Variants in STAC observed in about 807,000 individuals in gnomAD.
STAC encodes SH3 and cysteine rich domain, also known as SH3 and cysteine-rich domain-containing protein.
A neutral mutation model predicts 48.8 loss-of-function variants in STAC; 43 were observed. The observed-to-expected ratio is 0.88, with a 90% CI of 0.69 to 1.14. STAC has a LOEUF of 1.14. STAC is among the 50% of genes most tolerant of loss of function. STAC has a pLI of 0.00. For missense variants in STAC, 497 were observed against 504.0 expected (o/e 0.99, Z 0.13); for synonymous variants, 193 against 179.5 (o/e 1.07, Z -0.60).
At chr3:36,392,513 T>C (rs1016468338) in intron 1 of STAC, among the ~76,000 whole-genome samples, 1 of 152,018 alleles carries the variant, frequency 6.6e-6, no homozygotes, top group Non-Finnish European at 1.5e-5. Context: ...CTAATTTTTA[T>C]TTATTTATTT....
intron 2 of STAC, among the ~76,000 whole-genome samples, chr3:36,449,466 A>G (rs967615988): frequency 1.7e-4 from 26 of 152,234 alleles, no homozygotes; most frequent in African/African-American, 6.0e-4. Context: ...TAAGACTTCA[A>G]TATAAGGTCC....
chr3:36,510,663 T>C (rs1698515393), intron 8 of STAC, among the ~76,000 whole-genome samples: 1 of 152,132 alleles, frequency 6.6e-6, no homozygotes, highest in Non-Finnish European at 1.5e-5. Flanking sequence ...TGCAGGGACA[T>C]GGATGAAACT....
intron 10 of STAC, among the ~76,000 whole-genome samples, chr3:36,533,475 G>GTTTTTTTTTT (rs58981589): frequency 3.3e-5 from 2 of 61,396 alleles, no homozygotes; most frequent in African/African-American, 1.3e-4. Context: ...TTGCTAGCAT[G>GTTTTTTTTTT]TTTTTTTTTT....
At chr3:36,473,883 CATCAATATCATTTTAAAAAACA>C (rs1697414858) in intron 2 of STAC, among the ~76,000 whole-genome samples, 1 of 152,130 alleles carries the variant, frequency 6.6e-6, no homozygotes, top group African/African-American at 2.4e-5. Flanking sequence ...TAAGGACTTT[CATCAATATCATTTTAAAAAACA>C]AAAATAAGCC....
chr3:36,396,571 G>C (rs1434172098), intron 1 of STAC, among the ~76,000 whole-genome samples: 1 of 152,100 alleles, frequency 6.6e-6, no homozygotes, highest in African/African-American at 2.4e-5. Context: ...TCATCCGGGA[G>C]AATCAAGCCA....
intron 8 of STAC, among the ~76,000 whole-genome samples, chr3:36,521,393 A>G (rs1040248164): frequency 6.6e-6 from 1 of 152,088 alleles, no homozygotes; most frequent in African/African-American, 2.4e-5. Context: ...TGAAAATGCA[A>G]CTGTTCATGA....
chr3:36,412,161 CTTTGCTCAGCCACCTTGTCTGGTTGG>C (rs1700209419), intron 1 of STAC, among the ~76,000 whole-genome samples: 1 of 152,110 alleles, frequency 6.6e-6, no homozygotes, highest in Admixed American at 6.6e-5. Context: ...GAAGATCTTC[CTTTGCTCAGCCACCTTGTCTGGTTGG>C]TTTATGTACT....
At chr3:36,448,903 C>CG (rs1491216105) in intron 2 of STAC, among the ~76,000 whole-genome samples, 24 of 12,668 alleles carry the variant, frequency 1.9e-3, no homozygotes, top group East Asian at 0.014. Context: ...AACAGTGAAC[C>CG]CCCCCCCCCA....
At chr3:36,478,002 C>G (rs1214528682) in intron 2 of STAC, among the ~76,000 whole-genome samples, 1 of 152,196 alleles carries the variant, frequency 6.6e-6, no homozygotes, top group Non-Finnish European at 1.5e-5. Context: ...CAGAAACTGT[C>G]TCGTCCCAGA....
rs1427559741 is a variant in STAC at position 36,478,290 on chromosome 3, C to T, written c.389-4702C>T. On this transcript the variant is annotated intron_variant, in intron 2 of 10. Coordinates refer to ENST00000273183, the MANE Select transcript of STAC (RefSeq NM_003149.3). ...TTTTGTGATACATGGCCAATTTATG[C>T]CCTATTGTGACTATTGTTAACTTCT... Among the ~76,000 whole-genome samples, 6 of 152,124 alleles carry T rather than the reference C, an allele frequency of 3.9e-5. No homozygotes were observed. The East Asian group carries it at 1.2e-3, about 29-fold the overall frequency.
At chr3:36,493,295 T>G (rs1167500138) in intron 6 of STAC, 66 bp downstream of exon 6, 7 of 1,490,888 alleles carry the variant, frequency 4.7e-6, no homozygotes, top group South Asian at 1.1e-5. Flanking sequence ...GCAGGCCAAG[T>G]TGATTTCCAG....
intron 1 of STAC, among the ~76,000 whole-genome samples, chr3:36,391,354 T>C (rs1157271130): frequency 6.6e-6 from 1 of 152,220 alleles, no homozygotes; most frequent in African/African-American, 2.4e-5. Context: ...TCATGCTTCA[T>C]AATCTCTCTG....
intron 1 of STAC, among the ~76,000 whole-genome samples, chr3:36,399,136 G>A (rs1699948831): frequency 6.6e-6 from 1 of 152,170 alleles, no homozygotes; most frequent in Non-Finnish European, 1.5e-5. Context: ...AAGAGGGAGG[G>A]GAGTACAATC....
intron 1 of STAC, among the ~76,000 whole-genome samples, chr3:36,408,487 T>C (rs1418253725): frequency 6.6e-6 from 1 of 152,204 alleles, no homozygotes; most frequent in Non-Finnish European, 1.5e-5. Flanking sequence ...CTCTACTCCA[T>C]ATTACCATAT....
rs555531165 is a variant in STAC at position 36,401,511 on chromosome 3, G to A, written c.111+20757G>A. 6.6e-5 allele frequency among the ~76,000 whole-genome samples: 10 copies of A among 152,230 alleles called. No individual in the cohort carries two copies. In the East Asian group the frequency reaches 7.7e-4, roughly 12 times the overall value. ...TGCTGCAGGGAACCCAAGGAAGCCC[G>A]CACTGGCTGCTTTAGGAACTTGGGT... On this transcript the variant is annotated intron_variant, in intron 1 of 10. Coordinates refer to ENST00000273183, the MANE Select transcript of STAC (RefSeq NM_003149.3).
intron 1 of STAC, among the ~76,000 whole-genome samples, chr3:36,421,936 T>C (rs1477886116): frequency 2.0e-5 from 3 of 152,134 alleles, no homozygotes; most frequent in Non-Finnish European, 4.4e-5. Flanking sequence ...TTTTGAAGAT[T>C]ATGTTTATTC....
At position 36,528,898 on chromosome 3, in the gene STAC, A is replaced by T; in HGVS notation, c.1023A>T (p.Arg341Ser). The change falls in exon 10 of 11, where the codon AGA becomes AGT. Residue 341 changes from arginine (R) to serine (S), a missense_variant. Physicochemically the swap from Arg to Ser is moderately radical, Grantham distance 110 (BLOSUM62 -1). Coordinates refer to ENST00000273183, the MANE Select transcript of STAC (RefSeq NM_003149.3). Reference protein sequence around the residue: ...IGFFPANFVQRLQQNEKIFRC... With the variant: ...IGFFPANFVQSLQQNEKIFRC... ...TCTTTCCAGCCAACTTTGTTCAGAG[A>T]CTACAACAAAATGAGAAGATTTTTA... 1 of 1,613,822 alleles carries T rather than the reference A, an allele frequency of 6.2e-7. No homozygotes were observed. Among genetic ancestry groups the T allele is most frequent in the East Asian group, 2.2e-5 (1 of 44,778 alleles).
chr3:36,392,709 G>T (rs1699779606), intron 1 of STAC, among the ~76,000 whole-genome samples: 1 of 152,076 alleles, frequency 6.6e-6, no homozygotes, highest in South Asian at 2.1e-4. Context: ...CCTTCATCAT[G>T]CCTGGTGGCC....
At chr3:36,490,629 A>T (rs1032647020) in intron 5 of STAC, among the ~76,000 whole-genome samples, 1 of 152,132 alleles carries the variant, frequency 6.6e-6, no homozygotes, top group Admixed American at 6.5e-5. Context: ...ATCTATCTGC[A>T]CGAGCAGTAG....
Sources: gnomAD v4.1 joint callset for allele counts (sites outside exome capture counted in the v4.1 genomes callset) on GRCh38, gnomAD v4.1.1 for gene constraint, MANE v1.5 for transcripts, NCBI Gene and HGNC (gene_info 2026-07-23, HGNC 2026-07-21) for gene names.